The following GALNTL6 variants were observed in gnomAD, a reference collection of about 807,000 sequenced individuals.
GALNTL6 encodes the protein polypeptide N-acetylgalactosaminyltransferase-like 6.
In GALNTL6, 46 loss-of-function variants were observed where a neutral mutation model predicts 73.7. The observed-to-expected ratio is 0.62, with a 90% CI of 0.49 to 0.80. GALNTL6 has a LOEUF of 0.80. GALNTL6 is among the 30% of genes least tolerant of loss of function. GALNTL6 has a pLI of 0.00. For synonymous variants in GALNTL6, 259 were observed against 263.7 expected (o/e 0.98, Z 0.17); for missense variants, 604 against 755.0 (o/e 0.80, Z 2.34).
chr4:172,562,937 T>C (rs1274005117), intron 5 of GALNTL6, among the ~76,000 whole-genome samples: 4 of 152,208 alleles, frequency 2.6e-5, no homozygotes, highest in Non-Finnish European at 4.4e-5. Context: ...CTATAGTTAG[T>C]ATTTATCTCT....
chr4:172,224,570 G>C (rs529246208), intron 2 of GALNTL6, among the ~76,000 whole-genome samples: 28 of 152,274 alleles, frequency 1.8e-4, no homozygotes, highest in African/African-American at 6.3e-4. Context: ...CTCTAACTTA[G>C]AGATAAAGAA....
At chr4:171,867,873 T>G (rs978028002) in intron 2 of GALNTL6, among the ~76,000 whole-genome samples, 1 of 152,210 alleles carries the variant, frequency 6.6e-6, no homozygotes, top group Non-Finnish European at 1.5e-5. Flanking sequence ...ACTAACATTA[T>G]TCATTTCCTC....
chr4:171,933,680 G>A (rs1444898143), intron 2 of GALNTL6, among the ~76,000 whole-genome samples: 1 of 152,032 alleles, frequency 6.6e-6, no homozygotes. Context: ...TATGATTGGA[G>A]ATAAAATGCA....
intron 7 of GALNTL6, among the ~76,000 whole-genome samples, chr4:172,846,905 A>G (rs965069443): frequency 6.6e-6 from 1 of 152,140 alleles, no homozygotes; most frequent in African/African-American, 2.4e-5. Context: ...TTATTCTGTC[A>G]TACAATATAT....
intron 5 of GALNTL6, among the ~76,000 whole-genome samples, chr4:172,635,337 G>A (rs1221874458): frequency 2.0e-5 from 3 of 152,020 alleles, no homozygotes; most frequent in Admixed American, 6.6e-5. Flanking sequence ...ATTTTGAACT[G>A]TCTCAGGTTA....
At chr4:172,753,021 C>T (rs1737519256) in intron 5 of GALNTL6, among the ~76,000 whole-genome samples, 1 of 152,112 alleles carries the variant, frequency 6.6e-6, no homozygotes, top group Non-Finnish European at 1.5e-5. Flanking sequence ...ACTGATTCCA[C>T]ATGTGAATTG....
At chr4:172,444,470 G>C (rs1304610117) in intron 5 of GALNTL6, among the ~76,000 whole-genome samples, 1 of 152,128 alleles carries the variant, frequency 6.6e-6, no homozygotes, top group Non-Finnish European at 1.5e-5. Flanking sequence ...TTTGTAAATT[G>C]GTTGTTTGAG....
intron 5 of GALNTL6, among the ~76,000 whole-genome samples, chr4:172,473,532 G>A (rs191308001): frequency 3.9e-4 from 59 of 152,216 alleles, no homozygotes; most frequent in Admixed American, 1.3e-3. Flanking sequence ...ATCACTTCTG[G>A]TTGCTTATCT....
At chr4:171,979,035 G>A (rs1020717804) in intron 2 of GALNTL6, among the ~76,000 whole-genome samples, 11 of 151,938 alleles carry the variant, frequency 7.2e-5, no homozygotes, top group South Asian at 2.1e-4. Flanking sequence ...CTGTTCTGTC[G>A]CTTCCCAGTT....
rs143120540 is a variant in GALNTL6 at position 172,732,860 on chromosome 4, G to A, written c.554-76501G>A. On this transcript the variant is annotated intron_variant, in intron 5 of 12. Transcript: ENST00000506823. ...ACAATTCTACACTTTATCTCCATCT[G>A]CCTTACATTTTGACTTTTAGTTGTC... is the stretch of plus-strand genomic sequence containing the variant. Among the ~76,000 whole-genome samples the A allele has an allele frequency of 8.0e-3, 1,211 of 152,242 alleles. 18 individuals are homozygous for A. Among genetic ancestry groups the A allele is most frequent in the African/African-American group, 0.028 (1,145 of 41,522 alleles).
At chr4:172,961,690 G>A (rs1384883398) in intron 10 of GALNTL6, among the ~76,000 whole-genome samples, 2 of 152,168 alleles carry the variant, frequency 1.3e-5, no homozygotes, top group Non-Finnish European at 2.9e-5. Context: ...AAGATTGAAA[G>A]GAGAAAGAGG....
intron 5 of GALNTL6, among the ~76,000 whole-genome samples, chr4:172,555,165 T>C (rs1736099105): frequency 6.6e-6 from 1 of 152,166 alleles, no homozygotes; most frequent in South Asian, 2.1e-4. Flanking sequence ...ATAGCAGGAA[T>C]TCATCAATTT....
At chr4:172,458,160 C>A (rs563832941) in intron 5 of GALNTL6, among the ~76,000 whole-genome samples, 15 of 152,122 alleles carry the variant, frequency 9.9e-5, no homozygotes, top group East Asian at 3.9e-4. Context: ...TAAAGGTTTT[C>A]TTTGAAACCA....
intron 2 of GALNTL6, among the ~76,000 whole-genome samples, chr4:171,984,304 G>A (rs1740000650): frequency 6.6e-6 from 1 of 152,186 alleles, no homozygotes; most frequent in Admixed American, 6.5e-5. Flanking sequence ...AACTAGCTTA[G>A]AGGAAACAGT....
At chr4:172,200,939 C>A (rs527516924) in intron 2 of GALNTL6, among the ~76,000 whole-genome samples, 1 of 152,162 alleles carries the variant, frequency 6.6e-6, no homozygotes, top group African/African-American at 2.4e-5. Context: ...GGTACTTACT[C>A]ATGAACTGAT....
intron 5 of GALNTL6, chr4:172,380,036 T>C: frequency 1.0e-6 from 1 of 958,270 alleles, no homozygotes; most frequent in Non-Finnish European, 1.7e-6. Flanking sequence ...ATTTAAATAT[T>C]ATTCATGGCA....
intron 2 of GALNTL6, among the ~76,000 whole-genome samples, chr4:171,837,837 C>G (rs893749535): frequency 6.6e-6 from 1 of 150,656 alleles, no homozygotes; most frequent in African/African-American, 2.4e-5. Context: ...AATATTTACC[C>G]AACTCTCCTA....
At chr4:171,956,006 G>GTA (rs1463185448) in intron 2 of GALNTL6, among the ~76,000 whole-genome samples, 4 of 116,176 alleles carry the variant, frequency 3.4e-5, no homozygotes, top group African/African-American at 1.4e-4. Context: ...ATTTGTGTGT[G>GTA]TGTGTGTGGG....
At chr4:172,498,723 A>G (rs566667208) in intron 5 of GALNTL6, among the ~76,000 whole-genome samples, 69 of 152,326 alleles carry the variant, frequency 4.5e-4, no homozygotes, top group African/African-American at 1.6e-3. Flanking sequence ...AACTATATCG[A>G]CTGAGCTGCA....
Sources: allele counts gnomAD v4.1 joint callset (sites outside exome capture counted in the v4.1 genomes callset), GRCh38; gene constraint gnomAD v4.1.1; transcripts MANE v1.5; gene names NCBI Gene and HGNC (gene_info 2026-07-23, HGNC 2026-07-21).